PCDHA1: variants seen among roughly 807,000 people sequenced by gnomAD.
PCDHA1 encodes the protein protocadherin alpha 1.
Under a neutral mutation model 61.3 loss-of-function variants are expected in PCDHA1, and 42 were observed. The observed-to-expected ratio is 0.69, with a 90% confidence interval of 0.54 to 0.89. PCDHA1 has a LOEUF of 0.89. Among genes scored for constraint, PCDHA1 ranks in the 40% least tolerant of loss-of-function variants. PCDHA1 has a pLI of 0.00. For synonymous variants in PCDHA1, 610 were observed against 553.8 expected, an observed-to-expected ratio of 1.10 and a Z score of -1.43; for missense variants, 1,256 against 1,235.3, an observed-to-expected ratio of 1.02 and a Z score of -0.25.
intron 1 of PCDHA1, chr5:140,854,273 T>C (rs1180521058): frequency 1.8e-6 from 1 of 562,180 alleles, no homozygotes; most frequent in Non-Finnish European, 2.3e-6. Flanking sequence ...TTAGTAGAAA[T>C]TGAGTTTAGT....
At chr5:140,830,003 G>T (rs1554132452) in intron 1 of PCDHA1, 5 of 1,613,852 alleles carry the variant, frequency 3.1e-6, no homozygotes, top group Non-Finnish European at 4.2e-6. Flanking sequence ...TCGTGTCCTG[G>T]ACGAAGCGGA....
chr5:140,863,773 C>T (rs1170536480), intron 1 of PCDHA1: 19 of 234,462 alleles, frequency 8.1e-5, no homozygotes, highest in African/African-American at 3.6e-4. Context: ...CCGAGGCGGG[C>T]GGATCACTCG....
intron 1 of PCDHA1, chr5:140,842,088 A>T: frequency 6.2e-7 from 1 of 1,613,938 alleles, no homozygotes. Context: ...GAAAACGCAG[A>T]CAACGGAACA....
chr5:140,796,580 A>G, intron 1 of PCDHA1: 1 of 1,613,244 alleles, frequency 6.2e-7, no homozygotes, highest in South Asian at 1.1e-5. Flanking sequence ...AGCGCGCGGG[A>G]TGCGGGCGTG....
At chr5:140,842,131 T>A (rs2150330149) in intron 1 of PCDHA1, 1 of 1,613,890 alleles carries the variant, frequency 6.2e-7, no homozygotes, top group South Asian at 1.1e-5. Flanking sequence ...CTGATCCGGA[T>A]GAAGGAGCCA....
At position 140,841,776 on chromosome 5, in the gene PCDHA1, T is replaced by G. The variant is rs2150322536; in HGVS notation, c.2394+53092T>G. 1 of 1,613,906 alleles carries G rather than the reference T, an allele frequency of 6.2e-7. No homozygotes were observed. The highest frequency in any genetic ancestry group is 1.1e-5 in the South Asian group (1 of 91,076). On this transcript the variant is annotated intron_variant, in intron 1 of 3. Coordinates refer to ENST00000504120, the MANE Select transcript of PCDHA1 (RefSeq NM_018900.4). ...GAATCCAGAATGCCAGACTCTCGGTTTCCGCTAGAGGGCGCGTCCGATGCA... is the reference window on the plus strand; with the variant it reads ...GAATCCAGAATGCCAGACTCTCGGTGTCCGCTAGAGGGCGCGTCCGATGCA...
intron 3 of PCDHA1, among the ~76,000 whole-genome samples, chr5:140,991,593 C>T (rs2097461164): frequency 6.6e-6 from 1 of 152,196 alleles, no homozygotes; most frequent in South Asian, 2.1e-4. Flanking sequence ...TCTACCTGAG[C>T]CCTCACTGGC....
In PCDHA1 at chr5:141,005,964, A is replaced by G. The variant is rs189203283; in HGVS notation, c.2543-3663A>G. On this transcript the variant is annotated intron_variant, in intron 3 of 3. Transcript: ENST00000504120. The stretch of plus-strand genomic sequence containing the variant: ...CCTATCTCTAACAAACAACAATAAA[A>G]AAACAATTCCAAAGAGTGTTTGAGG... 1.8e-3 allele frequency among the ~76,000 whole-genome samples: 274 copies of G among 152,152 alleles called. 1 individual carries two copies. Among genetic ancestry groups the G allele is most frequent in the Middle Eastern group, 6.8e-3 (2 of 294 alleles).
chr5:140,958,265 C>A (rs1010851166), intron 1 of PCDHA1, among the ~76,000 whole-genome samples: 1 of 151,680 alleles, frequency 6.6e-6, no homozygotes, highest in Admixed American at 6.6e-5. Flanking sequence ...TAATTTGGTA[C>A]AAGAAGTATA....
chr5:140,795,099 G>A (rs782271998), intron 1 of PCDHA1: 1 of 1,613,902 alleles, frequency 6.2e-7, no homozygotes, highest in Non-Finnish European at 8.5e-7. Context: ...GCACCTTCGT[G>A]GGCCGCATCG....
At chr5:140,967,109 C>T in intron 1 of PCDHA1, 1 of 1,612,966 alleles carries the variant, frequency 6.2e-7, no homozygotes, top group Non-Finnish European at 8.5e-7. Flanking sequence ...TGAGCAGCGG[C>T]CTCGCTGCCT....
intron 1 of PCDHA1, chr5:140,869,690 T>A (rs902099652): frequency 6.2e-7 from 1 of 1,613,456 alleles, no homozygotes. Context: ...TCACTTATTT[T>A]AAAGAAGTCT....
chr5:140,815,981 G>A (rs150888625), intron 1 of PCDHA1: 1 of 152,124 alleles, frequency 6.6e-6, no homozygotes, highest in Non-Finnish European at 1.5e-5. Flanking sequence ...ACGTGATGAG[G>A]CATTTTTCTT....
chr5:140,793,102 T>C (rs1265381415), intron 1 of PCDHA1, among the ~76,000 whole-genome samples: 2 of 152,254 alleles, frequency 1.3e-5, no homozygotes, highest in Admixed American at 1.3e-4. Context: ...CCAGGATTTT[T>C]GCTGGACTAT....
chr5:140,878,622 T>A (rs1163171601), intron 1 of PCDHA1, among the ~76,000 whole-genome samples: 1 of 152,244 alleles, frequency 6.6e-6, no homozygotes, highest in African/African-American at 2.4e-5. Flanking sequence ...GCATTTTACA[T>A]ATTTTAACTT....
intron 1 of PCDHA1, chr5:140,802,178 T>A: frequency 6.2e-7 from 1 of 1,614,114 alleles, no homozygotes; most frequent in Non-Finnish European, 8.5e-7. Context: ...ATAAAGGAAA[T>A]CCCCCAATGT....
chr5:140,901,953 G>T (rs545807968), intron 1 of PCDHA1, among the ~76,000 whole-genome samples: 1 of 151,712 alleles, frequency 6.6e-6, no homozygotes, highest in African/African-American at 2.4e-5. Flanking sequence ...AGTTTTATTC[G>T]TGGCTATCGT....
intron 1 of PCDHA1, among the ~76,000 whole-genome samples, chr5:140,904,227 C>G (rs1373458999): frequency 2.6e-5 from 4 of 151,978 alleles, no homozygotes; most frequent in Middle Eastern, 3.2e-3. Context: ...TTGTATTATA[C>G]TTATGCCTTT....
chr5:140,789,359 G>A (rs1554118415), intron 1 of PCDHA1, among the ~76,000 whole-genome samples: 1 of 152,148 alleles, frequency 6.6e-6, no homozygotes, highest in African/African-American at 2.4e-5. Context: ...GGCTGAGGCA[G>A]GAGAATCGCT....
Sources: gnomAD v4.1 joint callset for allele counts (sites outside exome capture counted in the v4.1 genomes callset) on GRCh38, gnomAD v4.1.1 for gene constraint, MANE v1.5 for transcripts, NCBI Gene and HGNC (gene_info 2026-07-23, HGNC 2026-07-21) for gene names.